PSD3: variants seen among roughly 807,000 people sequenced by gnomAD.
The protein encoded by PSD3 is PH and SEC7 domain-containing protein 3.
A neutral mutation model predicts 105.5 loss-of-function variants in PSD3; 49 were observed. That is an observed-to-expected ratio of 0.46 (90% CI 0.37 to 0.59). The LOEUF is 0.59. Among genes scored for constraint, PSD3 ranks in the 20% least tolerant of loss-of-function variants. The pLI, the probability that PSD3 is intolerant of heterozygous loss-of-function variation, is 0.00. For synonymous variants in PSD3, 557 were observed against 457.8 expected (o/e 1.22, Z -2.77); for missense variants, 1,561 against 1,263.8 (o/e 1.24, Z -3.57).
At chr8:18,547,268 G>A (rs1279215122) in intron 15 of PSD3, among the ~76,000 whole-genome samples, 1 of 152,202 alleles carries the variant, frequency 6.6e-6, no homozygotes, top group South Asian at 2.1e-4. Flanking sequence ...TACATAAAGA[G>A]GGTAAAGTGA....
In PSD3 at chr8:18,577,863, C is replaced by G. The variant is rs1563340720; in HGVS notation, c.2482-2578G>C. 3.3e-5 allele frequency among the ~76,000 whole-genome samples: 5 copies of G among 152,040 alleles called. No individual in the cohort carries two copies. In the South Asian group the frequency reaches 1.0e-3, roughly 31 times the overall value. ...ACTGCATCTATGTTTCCTCGCTCAC[C>G]TGCTTCTTTCTTTTTTCCATCTTGA... is the stretch of plus-strand genomic sequence containing the variant. On this transcript the variant is annotated intron_variant, in intron 12 of 15. Transcript: ENST00000327040.
chr8:18,652,835 G>C (rs924922319), intron 10 of PSD3, among the ~76,000 whole-genome samples: 8 of 152,140 alleles, frequency 5.3e-5, no homozygotes, highest in Admixed American at 3.9e-4. Context: ...TACACTGATA[G>C]ATGTCAGTGT....
intron 11 of PSD3, among the ~76,000 whole-genome samples, chr8:18,631,520 C>CA (rs1283454215): frequency 6.6e-6 from 1 of 151,888 alleles, no homozygotes; most frequent in African/African-American, 2.4e-5. Context: ...AATGCTGACA[C>CA]AAAAAATCAT....
At chr8:18,716,407 C>T (rs1177687602) in intron 9 of PSD3, among the ~76,000 whole-genome samples, 1 of 152,160 alleles carries the variant, frequency 6.6e-6, no homozygotes, top group Non-Finnish European at 1.5e-5. Flanking sequence ...ACACAACATT[C>T]TTGCAGGCCC....
chr8:18,781,896 A>T (rs185435241), intron 8 of PSD3, among the ~76,000 whole-genome samples: 2 of 152,182 alleles, frequency 1.3e-5, no homozygotes, highest in Admixed American at 1.3e-4. Flanking sequence ...TTTTTTTAAA[A>T]ATGTTATCTG....
intron 15 of PSD3, among the ~76,000 whole-genome samples, chr8:18,545,166 T>C (rs972797372): frequency 5.9e-5 from 9 of 152,254 alleles, no homozygotes; most frequent in Non-Finnish European, 1.0e-4. Flanking sequence ...TCTGTATAAG[T>C]ATTCAGCTTT....
chr8:18,586,672 C>G (rs896566696), intron 12 of PSD3, among the ~76,000 whole-genome samples: 3 of 152,186 alleles, frequency 2.0e-5, no homozygotes, highest in Middle Eastern at 3.4e-3. Context: ...TGAATTCTTT[C>G]GAAGACCAAT....
intron 15 of PSD3, among the ~76,000 whole-genome samples, chr8:18,540,592 A>C (rs931042508): frequency 2.6e-5 from 4 of 152,172 alleles, no homozygotes; most frequent in Non-Finnish European, 5.9e-5. Context: ...TCAGAACTGC[A>C]CCATTTCTCA....
chr8:18,639,994 A>C (rs1807525404), intron 10 of PSD3, among the ~76,000 whole-genome samples: 1 of 152,134 alleles, frequency 6.6e-6, no homozygotes, highest in Admixed American at 6.6e-5. Context: ...CTAAGTCAGT[A>C]AATACAAGCC....
At chr8:18,899,375 T>G (rs570481854) in intron 2 of PSD3, among the ~76,000 whole-genome samples, 1 of 152,322 alleles carries the variant, frequency 6.6e-6, no homozygotes, top group East Asian at 1.9e-4. Context: ...GGATAAAGTT[T>G]TCTCCAGCAA....
intron 9 of PSD3, among the ~76,000 whole-genome samples, chr8:18,660,597 G>C (rs79289807): frequency 6.6e-6 from 1 of 152,142 alleles, no homozygotes; most frequent in Admixed American, 6.5e-5. Flanking sequence ...ATGTGACAGT[G>C]CACAAGAAAA....
Position 18,765,379 on chromosome 8 carries a change from C to T in PSD3, c.2172+70G>A. On this transcript the variant is annotated intron_variant, in intron 9 of 15. Transcript: ENST00000327040. ...AAATACTTAAGTGATCCTTAGCCTA[C>T]TTAGGATTAAGCTGTAAGCAGCAAA... 6 of 1,370,154 alleles carry T rather than the reference C, an allele frequency of 4.4e-6. No individual in the cohort carries two copies. In the South Asian group the frequency reaches 5.8e-5, roughly 13 times the overall value. The allele number at this position is 1,370,154 out of a possible 1,614,324, so 84.9% of individuals were successfully genotyped here. A position where few individuals can be genotyped will look rare whatever the true frequency, so the allele number is the denominator to read the frequency against.
At chr8:18,575,009 T>C (rs757880070) in intron 13 of PSD3, 119 bp downstream of exon 13, 30 of 1,032,582 alleles carry the variant, frequency 2.9e-5, no homozygotes, top group Non-Finnish European at 3.8e-5. Flanking sequence ...ATGTAAGCAG[T>C]TGATGACTTT....
At position 18,978,981 on chromosome 8, in the gene PSD3, C is replaced by G. The variant is rs547930108; in HGVS notation, c.21+34582G>C. Among the ~76,000 whole-genome samples, 8 of 152,258 alleles carry G rather than the reference C, an allele frequency of 5.3e-5. No individual in the cohort carries two copies. The South Asian group carries it at 1.7e-3, about 32-fold the overall frequency. On this transcript the variant is annotated intron_variant, in intron 1 of 15. Transcript: ENST00000327040. Reference sequence around the variant, plus strand: ...GTCTCAAAGAAAGCCAGACAGGAGTCCAGATGCCTGTGTTCCTTCTGGAGT... The same window carrying G: ...GTCTCAAAGAAAGCCAGACAGGAGTGCAGATGCCTGTGTTCCTTCTGGAGT...
At chr8:18,702,274 C>T (rs1032662878) in intron 9 of PSD3, among the ~76,000 whole-genome samples, 9 of 152,122 alleles carry the variant, frequency 5.9e-5, no homozygotes, top group Non-Finnish European at 1.3e-4. Flanking sequence ...CAAAACATCA[C>T]CTGATTTTGG....
chr8:18,701,068 C>A (rs2129416745), intron 9 of PSD3, among the ~76,000 whole-genome samples: 1 of 151,972 alleles, frequency 6.6e-6, no homozygotes, highest in East Asian at 1.9e-4. Context: ...CTGGCTTAAG[C>A]AATCCTCTCA....
chr8:18,556,517 C>CATATTTCAT (rs1267752823), intron 14 of PSD3, among the ~76,000 whole-genome samples, 165 bp from the exon 15 acceptor site: 1 of 152,252 alleles, frequency 6.6e-6, no homozygotes, highest in Non-Finnish European at 1.5e-5. Context: ...CCCCTGTCCA[C>CATATTTCAT]ATATTTCATA....
chr8:18,702,106 T>C (rs1801617333), intron 9 of PSD3, among the ~76,000 whole-genome samples: 1 of 152,250 alleles, frequency 6.6e-6, no homozygotes, highest in African/African-American at 2.4e-5. Flanking sequence ...CTCCGACTGA[T>C]ATTTACAGCT....
intron 12 of PSD3, among the ~76,000 whole-genome samples, chr8:18,579,656 T>C (rs909724234): frequency 3.3e-5 from 5 of 152,196 alleles, no homozygotes; most frequent in Admixed American, 6.5e-5. Flanking sequence ...CTTGTGAAGT[T>C]GAATCTTAAC....
Sources: allele counts gnomAD v4.1 joint callset (sites outside exome capture counted in the v4.1 genomes callset), GRCh38; gene constraint gnomAD v4.1.1; transcripts MANE v1.5; gene names NCBI Gene and HGNC (gene_info 2026-07-23, HGNC 2026-07-21).